NTM: variants seen among roughly 807,000 people sequenced by gnomAD.
NTM encodes IgLON family member 2.
In NTM, 13 loss-of-function variants were observed where a neutral mutation model predicts 42.1. That is an observed-to-expected ratio of 0.31 (90% CI 0.20 to 0.49). The LOEUF (loss-of-function observed/expected upper bound fraction) is 0.49. NTM is among the 20% of genes least tolerant of loss of function. The pLI is 0.99. For missense variants in NTM, 373 were observed against 452.8 expected (o/e 0.82, Z 1.60); for synonymous variants, 187 against 179.2 (o/e 1.04, Z -0.35).
intron 2 of NTM, among the ~76,000 whole-genome samples, chr11:131,996,191 A>G (rs1389876209): frequency 6.6e-5 from 10 of 152,122 alleles, no homozygotes; most frequent in Non-Finnish European, 1.3e-4. Flanking sequence ...GACATGATCA[A>G]TCTGTGTTTT....
intron 1 of NTM, among the ~76,000 whole-genome samples, chr11:131,528,219 T>C (rs373785): frequency 0.18 from 27,206 of 152,200 alleles, 2,484 homozygotes; most frequent in Middle Eastern, 0.23. Context: ...CAGGGAGACA[T>C]CTTGGTCTGG....
At chr11:131,479,708 T>C (rs998218178) in intron 1 of NTM, among the ~76,000 whole-genome samples, 1 of 152,118 alleles carries the variant, frequency 6.6e-6, no homozygotes, top group African/African-American at 2.4e-5. Flanking sequence ...GGAAATGATC[T>C]GGGGCTGTGG....
At chr11:131,728,098 G>T (rs1396430924) in intron 1 of NTM, among the ~76,000 whole-genome samples, 1 of 152,058 alleles carries the variant, frequency 6.6e-6, no homozygotes, top group Non-Finnish European at 1.5e-5. Context: ...GGAATGTAAA[G>T]ACGTGAGTGG....
intron 1 of NTM, among the ~76,000 whole-genome samples, chr11:131,379,427 C>T (rs140232128): frequency 1.2e-4 from 19 of 152,290 alleles, no homozygotes; most frequent in African/African-American, 3.4e-4. Context: ...GTGATTATAA[C>T]GTAGCGGCTC....
At chr11:131,449,478 G>A (rs1415636562) in intron 1 of NTM, among the ~76,000 whole-genome samples, 2 of 152,232 alleles carry the variant, frequency 1.3e-5, no homozygotes, top group African/African-American at 4.8e-5. Flanking sequence ...GCAGGCTGGT[G>A]GCAGAGTGTG....
chr11:131,769,367 T>C (rs1011951788), intron 1 of NTM, among the ~76,000 whole-genome samples: 1 of 152,198 alleles, frequency 6.6e-6, no homozygotes, highest in Non-Finnish European at 1.5e-5. Flanking sequence ...TCAAAGCCTC[T>C]TCAAGCTTCT....
intron 4 of NTM, among the ~76,000 whole-genome samples, chr11:132,255,325 G>A (rs1331953531): frequency 6.6e-6 from 1 of 151,936 alleles, no homozygotes; most frequent in Admixed American, 6.6e-5. Context: ...TTTCTCTCCT[G>A]ACAATATGAC....
intron 1 of NTM, among the ~76,000 whole-genome samples, chr11:131,394,900 A>G (rs758288961): frequency 4.3e-4 from 65 of 152,192 alleles, no homozygotes; most frequent in Non-Finnish European, 8.7e-4. Context: ...ATGAAACAGT[A>G]AATAAAGCAG....
intron 1 of NTM, among the ~76,000 whole-genome samples, chr11:131,791,438 T>C (rs918529137): frequency 1.3e-5 from 2 of 152,246 alleles, no homozygotes; most frequent in Admixed American, 1.3e-4. Context: ...CATCAATATA[T>C]GCATACAGAG....
chr11:131,771,696 C>T (rs1157678834), intron 1 of NTM: 1 of 152,286 alleles, frequency 6.6e-6, no homozygotes, highest in Non-Finnish European at 1.5e-5. Flanking sequence ...CTTAGCTCCT[C>T]CTCTCTCCTG....
chr11:132,145,860 T>A (rs1471931841), intron 2 of NTM, among the ~76,000 whole-genome samples: 1 of 152,188 alleles, frequency 6.6e-6, no homozygotes, highest in East Asian at 1.9e-4. Context: ...CTAGGCTTTT[T>A]CCAATAAAAG....
intron 2 of NTM, among the ~76,000 whole-genome samples, chr11:132,067,316 C>T (rs2056667528): frequency 6.6e-6 from 1 of 152,206 alleles, no homozygotes; most frequent in African/African-American, 2.4e-5. Context: ...AGATTCTTGT[C>T]TGTCCCACAT....
intron 2 of NTM, among the ~76,000 whole-genome samples, chr11:132,102,849 C>T (rs1223525030): frequency 3.3e-5 from 5 of 152,338 alleles, no homozygotes; most frequent in Non-Finnish European, 7.3e-5. Context: ...TGTGTGGAGC[C>T]TGTCTTCCCT....
chr11:131,831,038 G>T (rs1375703630), intron 1 of NTM, among the ~76,000 whole-genome samples: 1 of 152,178 alleles, frequency 6.6e-6, no homozygotes, highest in Non-Finnish European at 1.5e-5. Context: ...CTTTACTGAA[G>T]TCCTTTATCA....
intron 4 of NTM, among the ~76,000 whole-genome samples, chr11:132,219,412 T>C (rs2084638509): frequency 6.6e-6 from 1 of 152,158 alleles, no homozygotes; most frequent in South Asian, 2.1e-4. Context: ...ACCAGATGTT[T>C]TGGGGTCTTG....
intron 1 of NTM, among the ~76,000 whole-genome samples, chr11:131,792,397 T>C (rs1387273579): frequency 4.6e-5 from 7 of 152,288 alleles, no homozygotes; most frequent in African/African-American, 1.7e-4. Flanking sequence ...CTCAGATTTC[T>C]GACACTCCAG....
intron 3 of NTM, among the ~76,000 whole-genome samples, chr11:132,197,463 T>A (rs146830681): frequency 3.3e-5 from 5 of 152,002 alleles, no homozygotes; most frequent in African/African-American, 9.7e-5. Flanking sequence ...TATTAGGTAT[T>A]GTTTTTTTTT....
At chr11:131,999,453 G>C (rs1313330772) in intron 2 of NTM, among the ~76,000 whole-genome samples, 1 of 152,180 alleles carries the variant, frequency 6.6e-6, no homozygotes, top group Non-Finnish European at 1.5e-5. Flanking sequence ...AAGAAAAGAA[G>C]GTACTGTCAA....
At chr11:131,900,500 G>A (rs1336648590) in intron 1 of NTM, among the ~76,000 whole-genome samples, 1 of 152,210 alleles carries the variant, frequency 6.6e-6, no homozygotes, top group East Asian at 1.9e-4. Flanking sequence ...GCAGAAGGAG[G>A]ACATCCACGT....
Sources: allele counts gnomAD v4.1 joint callset (sites outside exome capture counted in the v4.1 genomes callset), GRCh38; gene constraint gnomAD v4.1.1; transcripts MANE v1.5; gene names NCBI Gene and HGNC (gene_info 2026-07-23, HGNC 2026-07-21).